SLC12A6: variants seen among roughly 807,000 people sequenced by gnomAD.
SLC12A6 encodes the protein K-Cl cotransporter 3.
Under a neutral mutation model 135.3 loss-of-function variants are expected in SLC12A6, and 66 were observed. The ratio of observed to expected loss-of-function variants is 0.49; its 90% CI spans 0.40 to 0.60. The LOEUF is 0.60. Among genes scored for constraint, SLC12A6 ranks in the 20% least tolerant of loss-of-function variants. SLC12A6 has a pLI of 0.00. For synonymous variants in SLC12A6, 513 were observed against 508.8 expected (o/e 1.01, Z -0.11); for missense variants, 1,058 against 1,452.3 (o/e 0.73, Z 4.41).
chr15:34,323,183 T>C (rs73374455), intron 2 of SLC12A6, among the ~76,000 whole-genome samples: 26,937 of 151,912 alleles, frequency 0.18, 2,607 homozygotes, highest in East Asian at 0.33. Context: ...CTCAATAATA[T>C]GAAGACAAAT....
chr15:34,282,394 T>C (rs985337036), intron 2 of SLC12A6, among the ~76,000 whole-genome samples: 1 of 152,226 alleles, frequency 6.6e-6, no homozygotes, highest in Non-Finnish European at 1.5e-5. Flanking sequence ...CTTGTATAAT[T>C]AGTGTCCTAT....
intron 2 of SLC12A6, among the ~76,000 whole-genome samples, chr15:34,315,707 C>T (rs1052075673): frequency 2.6e-5 from 4 of 152,040 alleles, no homozygotes; most frequent in African/African-American, 9.7e-5. Flanking sequence ...ATGTGACGGC[C>T]AGGCGCAGTG....
chr15:34,248,339 G>A (rs1265421487), intron 13 of SLC12A6, among the ~76,000 whole-genome samples: 1 of 152,164 alleles, frequency 6.6e-6, no homozygotes, highest in Non-Finnish European at 1.5e-5. Flanking sequence ...TGATGCACAT[G>A]TGCAAGCATT....
intron 2 of SLC12A6, among the ~76,000 whole-genome samples, chr15:34,286,156 C>T (rs1489379819): frequency 1.3e-5 from 2 of 152,078 alleles, no homozygotes; most frequent in Admixed American, 6.5e-5. Context: ...TCCCTGCAAC[C>T]GCCGCCTCCC....
At chr15:34,256,162 C>A in intron 7 of SLC12A6, 67 bp downstream of exon 7, 3 of 1,021,012 alleles carry the variant, frequency 2.9e-6, no homozygotes, top group Non-Finnish European at 4.7e-6. Flanking sequence ...GTTTGCACCT[C>A]TAGCTTTATA....
chr15:34,262,904 G>T (rs1171873522), intron 3 of SLC12A6, among the ~76,000 whole-genome samples: 1 of 152,222 alleles, frequency 6.6e-6, no homozygotes, highest in East Asian at 1.9e-4. Context: ...CCAGCAGGAT[G>T]AATAGACAGG....
At chr15:34,270,804 A>AAAAAC (rs1215586554) in intron 3 of SLC12A6, among the ~76,000 whole-genome samples, 4 of 150,768 alleles carry the variant, frequency 2.7e-5, no homozygotes, top group Admixed American at 6.6e-5. Flanking sequence ...TTCCATCTCA[A>AAAAAC]AAAACAAAAC....
chr15:34,250,281 A>G lies in SLC12A6; in HGVS notation c.1649+17T>C, dbSNP rs973548373. On this transcript the variant is annotated intron_variant, in intron 13 of 25. Transcript: ENST00000354181. ...GCAGACACACACATAATTGTTACAAAGAAATTCATTACTCACTTGTCTCTG... is the reference window on the plus strand; with the variant it reads ...GCAGACACACACATAATTGTTACAAGGAAATTCATTACTCACTTGTCTCTG... The G allele has an allele frequency of 1.1e-5, 15 of 1,393,760 alleles. No homozygotes were observed. The highest frequency in any genetic ancestry group is 1.5e-5 in the Non-Finnish European group (15 of 978,692). 86.3% of individuals were successfully genotyped at this position (1,393,760 alleles called of 1,614,324 possible).
chr15:34,289,420 A>T (rs1895357080), intron 2 of SLC12A6, among the ~76,000 whole-genome samples: 1 of 146,430 alleles, frequency 6.8e-6, no homozygotes, highest in African/African-American at 2.7e-5. Context: ...ATCAATGTTC[A>T]TCAGGGATAT....
rs144158165 is a variant in SLC12A6, at chr15:34,285,717, T to TATATACACACACACACACACACACA, written c.272-10329_272-10328insTGTGTGTGTGTGTGTGTGTGTATAT. Among the ~76,000 whole-genome samples the TATATACACACACACACACACACACA allele has an allele frequency of 7.6e-5, 10 of 131,112 alleles. No homozygotes were observed. The East Asian group carries it at 2.0e-3, about 26-fold the overall frequency. The allele number at this position is 131,112 out of a possible 152,430, so 86.0% of individuals were successfully genotyped here. On this transcript the variant is annotated intron_variant, in intron 2 of 25. Transcript: ENST00000354181. ...ATGTGTGTGTGTGTGTGTGTGTTTG[T>TATATACACACACACACACACACACA]CATACATAAAATGGAATATTATTCA...
At chr15:34,334,765 C>T (rs1309018637) in intron 2 of SLC12A6, among the ~76,000 whole-genome samples, 1 of 152,170 alleles carries the variant, frequency 6.6e-6, no homozygotes, top group African/African-American at 2.4e-5. Context: ...ACATAAATTT[C>T]ACTTAGATAT....
intron 21 of SLC12A6, 47 bp downstream of exon 21, chr15:34,238,185 G>T: frequency 1.5e-6 from 2 of 1,347,220 alleles, no homozygotes; most frequent in Non-Finnish European, 2.1e-6. Flanking sequence ...TGTGAACCAG[G>T]ACAGAAGGGA....
chr15:34,241,513 C>A (rs559300164), intron 17 of SLC12A6, among the ~76,000 whole-genome samples, 176 bp from the exon 18 acceptor site: 17 of 152,242 alleles, frequency 1.1e-4, no homozygotes, highest in African/African-American at 3.9e-4. Flanking sequence ...GTAGGTAGAT[C>A]AACAGCACCA....
intron 2 of SLC12A6, among the ~76,000 whole-genome samples, chr15:34,278,338 G>A (rs187875260): frequency 6.6e-6 from 1 of 152,100 alleles, no homozygotes; most frequent in Admixed American, 6.5e-5. Flanking sequence ...GAGACAGGAG[G>A]ATGGCTTGAA....
intron 9 of SLC12A6, among the ~76,000 whole-genome samples, chr15:34,253,889 G>A (rs1356746786): frequency 1.3e-5 from 2 of 152,170 alleles, no homozygotes; most frequent in East Asian, 3.9e-4. Flanking sequence ...AGTACTTAAT[G>A]GGTACAAAGT....
chr15:34,305,912 C>G (rs149966738), intron 2 of SLC12A6, among the ~76,000 whole-genome samples: 7,184 of 152,082 alleles, frequency 0.047, 186 homozygotes, highest in Non-Finnish European at 0.062. Context: ...CGCCCACCAC[C>G]GCGCCCGGCT....
Position 34,230,338 on chromosome 15 carries a change from TA to T in SLC12A6, c.*3542del, listed in dbSNP as rs1890840149. 1 of 153,164 alleles carries T rather than the reference TA, an allele frequency of 6.5e-6. No individual in the cohort carries two copies. Among genetic ancestry groups the T allele is most frequent in the South Asian group, 2.0e-4 (1 of 4,896 alleles). The allele number at this position is 153,164 out of a possible 1,614,324, so 9.5% of individuals were successfully genotyped here. On this transcript the variant is annotated 3_prime_UTR_variant, in exon 26 of 26. Coordinates refer to ENST00000354181, the MANE Select transcript of SLC12A6 (RefSeq NM_001365088.1). ...ATAAATATGCATACAGTGTAACTGTTATTATTTTAATACCCACGATAAGGGA... is the reference window on the plus strand; with the variant it reads ...ATAAATATGCATACAGTGTAACTGTTTTATTTTAATACCCACGATAAGGGA...
At chr15:34,280,844 C>T (rs1457360535) in intron 2 of SLC12A6, among the ~76,000 whole-genome samples, 1 of 152,078 alleles carries the variant, frequency 6.6e-6, no homozygotes, top group Non-Finnish European at 1.5e-5. Context: ...GAATACTATT[C>T]AGCTCTTAAA....
chr15:34,287,950 T>C (rs565184600), intron 2 of SLC12A6, among the ~76,000 whole-genome samples: 3 of 152,340 alleles, frequency 2.0e-5, no homozygotes, highest in South Asian at 4.1e-4. Context: ...CTGGTAATAG[T>C]TTCTTTTGCT....
Sources: gnomAD v4.1 joint callset for allele counts (sites outside exome capture counted in the v4.1 genomes callset) on GRCh38, gnomAD v4.1.1 for gene constraint, MANE v1.5 for transcripts, NCBI Gene and HGNC (gene_info 2026-07-23, HGNC 2026-07-21) for gene names.